The following NPLOC4 variants were observed in gnomAD, a reference collection of about 807,000 sequenced individuals.
NPLOC4 encodes nuclear protein localization protein 4 homolog.
Under a neutral mutation model 80.6 loss-of-function variants are expected in NPLOC4, and 18 were observed. The ratio of observed to expected loss-of-function variants is 0.22; its 90% CI spans 0.15 to 0.33. The LOEUF (loss-of-function observed/expected upper bound fraction) is 0.33, where lower values mean the gene tolerates loss of function less well. Among genes scored for constraint, NPLOC4 ranks in the 10% least tolerant of loss-of-function variants. NPLOC4 has a pLI of 1.00. For missense variants in NPLOC4, 540 were observed against 786.1 expected, an observed-to-expected ratio of 0.69 and a Z score of 3.74; for synonymous variants, 313 against 301.5, an observed-to-expected ratio of 1.04 and a Z score of -0.39.
chr17:81,567,855 G>A lies in NPLOC4; in HGVS notation c.1450-322C>T. On this transcript the variant is annotated intron_variant, in intron 14 of 16. Transcript: ENST00000331134. The surrounding 1 kb of genome is among the most constrained non-coding windows in gnomAD (Gnocchi z 4.5). ...CAGCACTTTTTAGGAGGCCGAGGCA[G>A]GCAGGTGGTCAGGAGTTCGAGACCA... 1 of 229,360 alleles carries A rather than the reference G, an allele frequency of 4.4e-6. No individual in the cohort carries two copies. The allele number at this position is 229,360 out of a possible 1,614,324, so 14.2% of individuals were successfully genotyped here.
intron 3 of NPLOC4, among the ~76,000 whole-genome samples, chr17:81,620,283 G>T (rs1277948605): frequency 6.6e-6 from 1 of 152,148 alleles, no homozygotes; most frequent in African/African-American, 2.4e-5. Context: ...GGATCACGAG[G>T]TCAGGAATTC....
chr17:81,607,006 C>T (rs567271724), intron 6 of NPLOC4, among the ~76,000 whole-genome samples, 192 bp from the exon 7 acceptor site: 140 of 152,334 alleles, frequency 9.2e-4, no homozygotes, highest in African/African-American at 3.2e-3. Context: ...TTCCGAATCC[C>T]AGCTTCTGTC....
chr17:81,594,274 CAAAAAAAAAAAAA>C (rs869281063), intron 11 of NPLOC4, among the ~76,000 whole-genome samples: 5 of 53,660 alleles, frequency 9.3e-5, no homozygotes, highest in African/African-American at 5.0e-4. Context: ...GACTCCGTCT[CAAAAAAAAAAAAA>C]AAAAAAAAAA....
chr17:81,576,585 A>T (rs2034308690), intron 12 of NPLOC4, among the ~76,000 whole-genome samples: 1 of 152,220 alleles, frequency 6.6e-6, no homozygotes, highest in African/African-American at 2.4e-5. Flanking sequence ...AAAAAGAGTT[A>T]AGGTATCTTT....
Position 81,637,026 on chromosome 17 carries a change from C to G in NPLOC4, c.-96G>C. 1.3e-6 allele frequency: 1 copy of G among 783,108 alleles called. No homozygotes were observed. Among genetic ancestry groups the G allele is most frequent in the Non-Finnish European group, 1.7e-6 (1 of 592,850 alleles). The allele number at this position is 783,108 out of a possible 1,614,324, so 48.5% of individuals were successfully genotyped here. A position where few individuals can be genotyped will look rare whatever the true frequency, so the allele number is the denominator to read the frequency against. ...CCGGCCGCGGCCTCAGCCCCGGCCCCGGCCTCCCTACGCCGCCGCCACCGC... is the reference window on the plus strand; with the variant it reads ...CCGGCCGCGGCCTCAGCCCCGGCCCGGGCCTCCCTACGCCGCCGCCACCGC... On this transcript the variant is annotated 5_prime_UTR_variant, in exon 1 of 17. Coordinates refer to ENST00000331134, the MANE Select transcript of NPLOC4 (RefSeq NM_017921.4).
intron 1 of NPLOC4, among the ~76,000 whole-genome samples, chr17:81,634,889 T>C (rs2036025970): frequency 6.6e-6 from 1 of 152,076 alleles, no homozygotes; most frequent in Non-Finnish European, 1.5e-5. Flanking sequence ...CCACATTTTA[T>C]TTTTCAAAGG....
intron 13 of NPLOC4, among the ~76,000 whole-genome samples, chr17:81,570,517 G>A (rs543388677): frequency 2.6e-5 from 4 of 152,186 alleles, no homozygotes; most frequent in Non-Finnish European, 5.9e-5. Context: ...GCTCTTGCTG[G>A]CCTTGTAACT....
At chr17:81,608,573 T>A (rs1475572071) in intron 6 of NPLOC4, among the ~76,000 whole-genome samples, 155 bp downstream of exon 6, 2 of 152,090 alleles carry the variant, frequency 1.3e-5, no homozygotes, top group African/African-American at 4.8e-5. Flanking sequence ...ACATAAAAAA[T>A]AAATAAATAA....
At chr17:81,624,380 T>C (rs2035743561) in intron 2 of NPLOC4, among the ~76,000 whole-genome samples, 1 of 152,172 alleles carries the variant, frequency 6.6e-6, no homozygotes, top group Admixed American at 6.6e-5. Context: ...ATGGCGCCAT[T>C]GCACTCCAGC....
At chr17:81,617,566 T>C (rs1464535591) in intron 3 of NPLOC4, among the ~76,000 whole-genome samples, 1 of 151,976 alleles carries the variant, frequency 6.6e-6, no homozygotes, top group Admixed American at 6.6e-5. Context: ...TCCCAGCACT[T>C]TGGGAGGCTG....
intron 2 of NPLOC4, among the ~76,000 whole-genome samples, chr17:81,628,868 A>G (rs2035863103): frequency 3.4e-5 from 5 of 149,184 alleles, no homozygotes; most frequent in Admixed American, 1.4e-4. Context: ...AACTGTAGTC[A>G]TATCTACAAT....
chr17:81,593,649 C>G (rs547996750), intron 11 of NPLOC4, among the ~76,000 whole-genome samples: 63 of 152,148 alleles, frequency 4.1e-4, no homozygotes, highest in African/African-American at 1.5e-3. Flanking sequence ...CTACTGTACC[C>G]AGATATCAGC....
chr17:81,588,076 T>A (rs2034637312), intron 12 of NPLOC4: 1 of 152,190 alleles, frequency 6.6e-6, no homozygotes, highest in African/African-American at 2.4e-5. Flanking sequence ...CTACAATGTC[T>A]GAGATGAACA....
At chr17:81,576,351 AGACTTT>A (rs1429047590) in intron 12 of NPLOC4, among the ~76,000 whole-genome samples, 3 of 152,240 alleles carry the variant, frequency 2.0e-5, no homozygotes, top group Non-Finnish European at 4.4e-5. Context: ...ACCTATAGGC[AGACTTT>A]TTTCAACCAA....
At chr17:81,618,551 C>T (rs1460885903) in intron 3 of NPLOC4, among the ~76,000 whole-genome samples, 2 of 78,950 alleles carry the variant, frequency 2.5e-5, no homozygotes, top group African/African-American at 5.7e-5. Flanking sequence ...TCAGTGCCCC[C>T]GCCCGGCCAG....
chr17:81,583,614 T>C (rs1290868042), intron 12 of NPLOC4, among the ~76,000 whole-genome samples: 2 of 152,162 alleles, frequency 1.3e-5, no homozygotes, highest in Non-Finnish European at 2.9e-5. Flanking sequence ...TGTACACCCA[T>C]ATGCTTTCCT....
intron 9 of NPLOC4, among the ~76,000 whole-genome samples, chr17:81,597,662 A>G (rs1444848675): frequency 6.6e-6 from 1 of 152,040 alleles, no homozygotes; most frequent in African/African-American, 2.4e-5. Context: ...GCATGCCTGT[A>G]ATCCCAGCTA....
At chr17:81,595,396 T>C (rs1448237151) in intron 11 of NPLOC4, among the ~76,000 whole-genome samples, 2 of 138,794 alleles carry the variant, frequency 1.4e-5, no homozygotes, top group Non-Finnish European at 3.1e-5. Context: ...ATTGCGCCAC[T>C]GCACTCCAGC....
chr17:81,626,365 G>C (rs952758220), intron 2 of NPLOC4, among the ~76,000 whole-genome samples: 1 of 151,380 alleles, frequency 6.6e-6, no homozygotes, highest in Non-Finnish European at 1.5e-5. Context: ...AAATACTTAA[G>C]AGTGGGGAAA....
Sources: gnomAD v4.1 joint callset for allele counts (sites outside exome capture counted in the v4.1 genomes callset) on GRCh38, gnomAD v4.1.1 for gene constraint, Gnocchi (gnomAD v3.1) non-coding constraint, MANE v1.5 for transcripts, NCBI Gene and HGNC (gene_info 2026-07-23, HGNC 2026-07-21) for gene names.